The following SLC4A4 variants were observed in gnomAD, a reference collection of about 807,000 sequenced individuals.
SLC4A4 encodes electrogenic sodium bicarbonate cotransporter 1.
SLC4A4 carries 27 observed loss-of-function variants against 111.5 expected under a neutral mutation model. The observed-to-expected ratio is 0.24, with a 90% CI of 0.18 to 0.33. SLC4A4 has a LOEUF of 0.33. Among genes scored for constraint, SLC4A4 ranks in the 10% least tolerant of loss-of-function variants. The pLI is 1.00. For missense variants in SLC4A4, 909 were observed against 1,315.5 expected (o/e 0.69, Z 4.78); for synonymous variants, 443 against 463.4 (o/e 0.96, Z 0.57).
chr4:71,072,856 C>T (rs1741706292), intron 1 of SLC4A4, among the ~76,000 whole-genome samples: 1 of 152,032 alleles, frequency 6.6e-6, no homozygotes, highest in Admixed American at 6.6e-5. Context: ...TAACCTCTGC[C>T]TCTTGGGCTT....
intron 7 of SLC4A4, among the ~76,000 whole-genome samples, chr4:71,414,856 A>T (rs1227016134): frequency 2.0e-5 from 3 of 152,192 alleles, no homozygotes; most frequent in Admixed American, 2.0e-4. Context: ...CTATTAATAG[A>T]TACTGCTTTT....
intron 3 of SLC4A4, among the ~76,000 whole-genome samples, chr4:71,335,621 C>T (rs567300737): frequency 3.9e-5 from 6 of 152,024 alleles, no homozygotes; most frequent in African/African-American, 9.7e-5. Flanking sequence ...GTTGGGAGAT[C>T]GAGACCATCC....
chr4:71,067,527 C>T (rs1316620778), intron 1 of SLC4A4, among the ~76,000 whole-genome samples: 1 of 152,078 alleles, frequency 6.6e-6, no homozygotes, highest in Non-Finnish European at 1.5e-5. Context: ...TTTCTTTGAT[C>T]TCCCTGCCAG....
chr4:71,349,791 A>C (rs562658965), intron 4 of SLC4A4, 121 bp from the exon 5 acceptor site: 5 of 836,370 alleles, frequency 6.0e-6, no homozygotes, highest in African/African-American at 3.3e-5. Context: ...AGCTATTAAT[A>C]CTCCACAAAA....
intron 7 of SLC4A4, among the ~76,000 whole-genome samples, chr4:71,407,434 C>T (rs926555355): frequency 2.6e-5 from 4 of 152,054 alleles, no homozygotes; most frequent in African/African-American, 9.7e-5. Flanking sequence ...TTATTCACAC[C>T]GAATAAACTG....
At chr4:71,348,348 CACA>C (rs1729514138) in intron 4 of SLC4A4, among the ~76,000 whole-genome samples, 1 of 149,268 alleles carries the variant, frequency 6.7e-6, no homozygotes, top group Admixed American at 6.6e-5. Flanking sequence ...CACACACACA[CACA>C]CACTAGAAGT....
intron 18 of SLC4A4, among the ~76,000 whole-genome samples, chr4:71,537,833 A>G (rs1287162512): frequency 1.3e-5 from 2 of 151,916 alleles, no homozygotes; most frequent in African/African-American, 4.8e-5. Flanking sequence ...AAGAGTTCAG[A>G]TGGTCATTCT....
chr4:71,281,436 T>C (rs1421875800), intron 3 of SLC4A4, among the ~76,000 whole-genome samples: 1 of 152,208 alleles, frequency 6.6e-6, no homozygotes, highest in Non-Finnish European at 1.5e-5. Flanking sequence ...TAAGTGAGTT[T>C]ATGTCTTTCT....
At chr4:71,460,683 C>T (rs933471945) in intron 12 of SLC4A4, among the ~76,000 whole-genome samples, 8 of 152,182 alleles carry the variant, frequency 5.3e-5, no homozygotes, top group African/African-American at 1.9e-4. Context: ...TATATCCAGT[C>T]TCCTTCCCCA....
chr4:71,535,130 C>A (rs1164286699), intron 18 of SLC4A4, among the ~76,000 whole-genome samples: 2 of 152,010 alleles, frequency 1.3e-5, no homozygotes, highest in African/African-American at 4.8e-5. Context: ...TACTATGAGC[C>A]AGGCCATCTT....
chr4:71,168,869 G>A (rs1020909121), intron 2 of SLC4A4, among the ~76,000 whole-genome samples: 6 of 152,102 alleles, frequency 3.9e-5, no homozygotes, highest in African/African-American at 1.4e-4. Flanking sequence ...GGGCACTTAG[G>A]TTGCTTCCAA....
intron 2 of SLC4A4, among the ~76,000 whole-genome samples, chr4:71,154,036 C>T (rs561048459): frequency 5.9e-5 from 9 of 152,070 alleles, no homozygotes; most frequent in Non-Finnish European, 1.2e-4. Context: ...AAGACATATG[C>T]GGATTTGGAG....
intron 2 of SLC4A4, among the ~76,000 whole-genome samples, chr4:71,177,544 G>A (rs1578554306): frequency 6.6e-6 from 1 of 152,138 alleles, no homozygotes; most frequent in African/African-American, 2.4e-5. Flanking sequence ...CTCTGATAAA[G>A]CAGACTTTAA....
At chr4:71,134,629 G>T (rs188822355) in intron 2 of SLC4A4, among the ~76,000 whole-genome samples, 43 of 152,294 alleles carry the variant, frequency 2.8e-4, no homozygotes, top group African/African-American at 1.0e-3. Flanking sequence ...AGAGTGTATT[G>T]CTCCGAATAG....
chr4:71,403,603 C>A, intron 7 of SLC4A4, among the ~76,000 whole-genome samples: 1 of 151,796 alleles, frequency 6.6e-6, no homozygotes, highest in African/African-American at 2.4e-5. Flanking sequence ...AGAGTAGAGG[C>A]CTAAGGCAGA....
At chr4:71,119,275 C>T (rs1743352388) in intron 2 of SLC4A4, among the ~76,000 whole-genome samples, 1 of 152,222 alleles carries the variant, frequency 6.6e-6, no homozygotes, top group Non-Finnish European at 1.5e-5. Context: ...CCAGTGTTTT[C>T]TGTTGAGAAG....
chr4:71,396,788 T>C (rs879700914), intron 6 of SLC4A4, among the ~76,000 whole-genome samples: 7 of 152,224 alleles, frequency 4.6e-5, no homozygotes, highest in Admixed American at 1.3e-4. Flanking sequence ...TCTGAAATCA[T>C]TGGATGGATC....
intron 1 of SLC4A4, among the ~76,000 whole-genome samples, chr4:71,091,918 T>C (rs192020930): frequency 1.2e-3 from 188 of 152,360 alleles, no homozygotes; most frequent in Non-Finnish European, 2.0e-3. Flanking sequence ...ATATTAAATC[T>C]TTGAGAACTG....
intron 6 of SLC4A4, among the ~76,000 whole-genome samples, chr4:71,382,749 A>G (rs1021019917): frequency 6.6e-6 from 1 of 152,120 alleles, no homozygotes; most frequent in Admixed American, 6.6e-5. Flanking sequence ...CTGTGATTCT[A>G]TGAGCCACAT....
Sources: gnomAD v4.1 joint callset for allele counts (sites outside exome capture counted in the v4.1 genomes callset) on GRCh38, gnomAD v4.1.1 for gene constraint, MANE v1.5 for transcripts, NCBI Gene and HGNC (gene_info 2026-07-23, HGNC 2026-07-21) for gene names.